MSI2: variants seen among roughly 807,000 people sequenced by gnomAD.
MSI2 encodes musashi RNA binding protein 2.
Under a neutral mutation model 45.6 loss-of-function variants are expected in MSI2, and 17 were observed. The observed-to-expected ratio is 0.37, with a 90% CI of 0.26 to 0.56. MSI2 has a LOEUF of 0.56. Among genes scored for constraint, MSI2 ranks in the 20% least tolerant of loss-of-function variants. The probability of loss-of-function intolerance (pLI) is 0.77; values close to 1 mark genes in which losing one functional copy is unlikely to be tolerated. For synonymous variants in MSI2, 156 were observed against 158.2 expected (o/e 0.99, Z 0.11); for missense variants, 293 against 444.2 (o/e 0.66, Z 3.06).
intron 10 of MSI2, among the ~76,000 whole-genome samples, chr17:57,644,423 CTT>C (rs1910499278): frequency 6.6e-6 from 1 of 152,078 alleles, no homozygotes; most frequent in African/African-American, 2.4e-5. Flanking sequence ...CAGCCACTGT[CTT>C]TCTCTGCACA....
chr17:57,590,753 G>A (rs1904753333), intron 7 of MSI2, among the ~76,000 whole-genome samples: 2 of 152,176 alleles, frequency 1.3e-5, no homozygotes, highest in Non-Finnish European at 2.9e-5. Context: ...GAGAGGCGGG[G>A]CAGGTGCCAC....
At chr17:57,408,607 G>A (rs1364314447) in intron 6 of MSI2, among the ~76,000 whole-genome samples, 3 of 152,134 alleles carry the variant, frequency 2.0e-5, no homozygotes, top group African/African-American at 4.8e-5. Context: ...GCGGGGGGGC[G>A]GTATGAAGTA....
At chr17:57,700,889 C>A in the MSI2 span, among the ~76,000 whole-genome samples, 1 of 147,772 alleles carries the variant, frequency 6.8e-6, no homozygotes, top group Non-Finnish European at 1.5e-5. Context: ...GCAACAAGAG[C>A]AAAACTCTGT....
chr17:57,397,300 G>T (rs769761114), intron 5 of MSI2, among the ~76,000 whole-genome samples: 15 of 152,134 alleles, frequency 9.9e-5, no homozygotes, highest in Non-Finnish European at 2.2e-4. Context: ...GGCCTGCCTT[G>T]TCCAGCCTTC....
chr17:57,691,200 CATCT>C, the MSI2 span, among the ~76,000 whole-genome samples: 4,182 of 140,224 alleles, frequency 0.03, 103 homozygotes, highest in African/African-American at 0.06. Flanking sequence ...CTCTCTCTCT[CATCT>C]ATCTATCTAT....
intron 6 of MSI2, among the ~76,000 whole-genome samples, chr17:57,467,059 C>T (rs943762885): frequency 6.6e-6 from 1 of 152,214 alleles, no homozygotes; most frequent in African/African-American, 2.4e-5. Context: ...TTTAGAGAAA[C>T]TTAATCATCC....
chr17:57,627,370 A>G lies in MSI2; in HGVS notation c.727+67A>G. The G allele has an allele frequency of 1.3e-5, 18 of 1,368,676 alleles. No homozygotes were observed. The highest frequency in any genetic ancestry group is 1.9e-5 in the Non-Finnish European group (18 of 956,350). The allele number at this position is 1,368,676 out of a possible 1,614,324, so 84.8% of individuals were successfully genotyped here. On this transcript the variant is annotated intron_variant, in intron 10 of 13. Coordinates refer to ENST00000284073, the MANE Select transcript of MSI2 (RefSeq NM_138962.4). The surrounding 1 kb of genome is among the most constrained non-coding windows in gnomAD (Gnocchi z 4.6). ...TGGGCTGCATTTGCGGGGAGGTGAG[A>G]GGACCCCTAAAGAGAATGCATTTCT...
rs142439851 is a variant in MSI2 at position 57,541,581 on chromosome 17, A to G, written c.454+11857A>G. On this transcript the variant is annotated intron_variant, in intron 7 of 13. Transcript: ENST00000284073. ...CTCTTTCAGGCAGGAACATTTGCCA[A>G]TTCAATCCTGGAGTGAATTTTTAAG... Among the ~76,000 whole-genome samples the G allele has an allele frequency of 2.1e-3, 316 of 152,322 alleles. 9 individuals are homozygous for G. Among genetic ancestry groups the G allele is most frequent in the Admixed American group, 0.016 (249 of 15,302 alleles).
chr17:57,586,969 G>A (rs2088364977), intron 7 of MSI2, among the ~76,000 whole-genome samples: 1 of 152,128 alleles, frequency 6.6e-6, no homozygotes, highest in African/African-American at 2.4e-5. Context: ...TCTTGAATTG[G>A]GAAGCATAGG....
rs539493519 is a variant in MSI2, at chr17:57,461,970, G to T, written c.405+60499G>T. On this transcript the variant is annotated intron_variant, in intron 6 of 13. Transcript: ENST00000284073. ...TGCCATAACAAAGTACCACAAACTG[G>T]GTGCCTCAGCTACAGAAATGCCTTG... Among the ~76,000 whole-genome samples the T allele has an allele frequency of 2.0e-5, 3 of 152,182 alleles. No individual in the cohort carries two copies. In the South Asian group the frequency reaches 6.2e-4, roughly 32 times the overall value.
At chr17:57,416,108 TCTCA>T (rs574429115) in intron 6 of MSI2, among the ~76,000 whole-genome samples, 312 of 152,246 alleles carry the variant, frequency 2.0e-3, no homozygotes, top group Non-Finnish European at 3.7e-3. Flanking sequence ...AAGATAATAC[TCTCA>T]CTATGATAAA....
intron 6 of MSI2, among the ~76,000 whole-genome samples, chr17:57,474,195 A>G (rs2085494604): frequency 6.6e-6 from 1 of 152,078 alleles, no homozygotes; most frequent in South Asian, 2.1e-4. Context: ...GGGCCTCTAG[A>G]TGTGCACTGG....
At chr17:57,635,805 C>T in intron 10 of MSI2, among the ~76,000 whole-genome samples, 1 of 152,222 alleles carries the variant, frequency 6.6e-6, no homozygotes, top group East Asian at 1.9e-4. Context: ...ATTCCTGGAG[C>T]ACTGGCTTCA....
chr17:57,474,728 GT>G (rs555280071), intron 6 of MSI2, among the ~76,000 whole-genome samples: 1,995 of 151,760 alleles, frequency 0.013, 25 homozygotes, highest in Admixed American at 0.032. Context: ...TTTTGTTTTT[GT>G]TTTTGTTTGG....
At chr17:57,445,190 G>A (rs148892300) in intron 6 of MSI2, among the ~76,000 whole-genome samples, 23 of 152,300 alleles carry the variant, frequency 1.5e-4, no homozygotes, top group African/African-American at 4.1e-4. Flanking sequence ...CCAGGAATGC[G>A]TTTGTGAAAT....
chr17:57,692,696 T>C, the MSI2 span, among the ~76,000 whole-genome samples: 2 of 149,610 alleles, frequency 1.3e-5, no homozygotes, highest in Middle Eastern at 6.8e-3. Context: ...TTGCTCAGCA[T>C]AGGATTTTGT....
At chr17:57,344,503 T>G (rs1915427807) in intron 5 of MSI2, among the ~76,000 whole-genome samples, 1 of 152,220 alleles carries the variant, frequency 6.6e-6, no homozygotes, top group Admixed American at 6.5e-5. Flanking sequence ...AGTTACTCAC[T>G]TCTCCAAGGA....
chr17:57,605,143 G>T (rs189536003), intron 8 of MSI2, among the ~76,000 whole-genome samples: 1 of 152,302 alleles, frequency 6.6e-6, no homozygotes, highest in Admixed American at 6.5e-5. Flanking sequence ...AAAAGGAAAT[G>T]CCAGAGAGGC....
chr17:57,418,204 G>A (rs530839760), intron 6 of MSI2, among the ~76,000 whole-genome samples: 1 of 152,222 alleles, frequency 6.6e-6, no homozygotes, highest in African/African-American at 2.4e-5. Flanking sequence ...CAGCAGGCCT[G>A]TGGGCCGTAA....
Sources: allele counts gnomAD v4.1 joint callset (sites outside exome capture counted in the v4.1 genomes callset), GRCh38; gene constraint gnomAD v4.1.1; non-coding constraint Gnocchi (gnomAD v3.1); transcripts MANE v1.5; gene names NCBI Gene and HGNC (gene_info 2026-07-23, HGNC 2026-07-21).